Variants in HAVCR2 observed in about 807,000 individuals in gnomAD.
HAVCR2 encodes hepatitis A virus cellular receptor 2.
A neutral mutation model predicts 24.7 loss-of-function variants in HAVCR2; 13 were observed. The observed-to-expected ratio is 0.53, with a 90% CI of 0.34 to 0.84. The LOEUF (loss-of-function observed/expected upper bound fraction) is 0.84, where lower values mean the gene tolerates loss of function less well. Ranked by LOEUF, HAVCR2 falls within the 40% of genes least tolerant of loss-of-function variation. The pLI is 0.01. For missense variants in HAVCR2, 343 were observed against 371.2 expected, an observed-to-expected ratio of 0.92 and a Z score of 0.62; for synonymous variants, 154 against 143.4, an observed-to-expected ratio of 1.07 and a Z score of -0.53.
In HAVCR2 at chr5:157,087,012, G is replaced by T; in HGVS notation, c.*90C>A. 1 of 1,149,798 alleles carries T rather than the reference G, an allele frequency of 8.7e-7. No individual in the cohort carries two copies. Among genetic ancestry groups the T allele is most frequent in the Non-Finnish European group, 1.3e-6 (1 of 786,540 alleles). The allele number at this position is 1,149,798 out of a possible 1,614,324, so 71.2% of individuals were successfully genotyped here. The stretch of plus-strand genomic sequence containing the variant: ...AATGGGAAAACTCTGCTCCATAGCA[G>T]TGGACAGAACCTCCAAAACCAGTCA... On this transcript the variant is annotated 3_prime_UTR_variant, in exon 7 of 7. Transcript: ENST00000307851.
At chr5:157,102,101 T>C (rs527477613) in intron 3 of HAVCR2, among the ~76,000 whole-genome samples, 2 of 152,088 alleles carry the variant, frequency 1.3e-5, no homozygotes, top group South Asian at 4.2e-4. Context: ...CATGACCAGC[T>C]AATTTTTGTA....
At chr5:157,096,961 CACAT>C (rs148073070) in intron 4 of HAVCR2, among the ~76,000 whole-genome samples, 2,420 of 140,898 alleles carry the variant, frequency 0.017, 71 homozygotes, top group African/African-American at 0.067. Flanking sequence ...CACACACACA[CACAT>C]ATAATTATAA....
chr5:157,108,494 AAAAAGAAAAAGAAAG>A (rs1171617890), intron 1 of HAVCR2, among the ~76,000 whole-genome samples: 3 of 152,132 alleles, frequency 2.0e-5, no homozygotes, highest in South Asian at 2.1e-4. Context: ...CTCAATTGAA[AAAAAGAAAAAGAAAG>A]AAAAGAAAAA....
chr5:157,095,803 T>C (rs1757088099), intron 4 of HAVCR2, among the ~76,000 whole-genome samples: 1 of 151,656 alleles, frequency 6.6e-6, no homozygotes, highest in Non-Finnish European at 1.5e-5. Context: ...TGGTTCAAGA[T>C]CCCCTAAGAT....
chr5:157,089,775 T>C (rs963176767), intron 5 of HAVCR2, among the ~76,000 whole-genome samples: 3 of 152,086 alleles, frequency 2.0e-5, no homozygotes, highest in Admixed American at 2.0e-4. Context: ...GCTGAGTACC[T>C]GAAACTGAAA....
intron 5 of HAVCR2, among the ~76,000 whole-genome samples, chr5:157,090,468 G>A (rs148821720): frequency 6.6e-6 from 1 of 152,034 alleles, no homozygotes; most frequent in African/African-American, 2.4e-5. Context: ...GCTGGCACAT[G>A]CCCGTGGTCC....
chr5:157,104,838 G>A (rs943905502), intron 2 of HAVCR2, 89 bp from the exon 3 acceptor site: 9 of 903,556 alleles, frequency 1.0e-5, no homozygotes, highest in Admixed American at 2.2e-5. Context: ...AAAAAAATGC[G>A]AAAGACAATT....
chr5:157,107,082 G>C lies in HAVCR2; in HGVS notation c.59-120C>G, dbSNP rs1464632562. ...GAAGCTACTGCTGCAGTCCTGTTTGGAGGATGATTCGCTGTGACAATGCTT... is the reference window on the plus strand; with the variant it reads ...GAAGCTACTGCTGCAGTCCTGTTTGCAGGATGATTCGCTGTGACAATGCTT... On this transcript the variant is annotated intron_variant, in intron 1 of 6. Coordinates refer to ENST00000307851, the MANE Select transcript of HAVCR2 (RefSeq NM_032782.5). 5.1e-6 allele frequency: 4 copies of C among 783,598 alleles called. No homozygotes were observed. The Admixed American group carries it at 8.2e-5, about 16-fold the overall frequency. 48.5% of individuals were successfully genotyped at this position (783,598 alleles called of 1,614,324 possible). A position where few individuals can be genotyped will look rare whatever the true frequency, so the allele number is the denominator to read the frequency against.
intron 3 of HAVCR2, among the ~76,000 whole-genome samples, chr5:157,103,465 C>T (rs1156677812): frequency 6.6e-6 from 1 of 151,754 alleles, no homozygotes; most frequent in Non-Finnish European, 1.5e-5. Flanking sequence ...TTGTAAGATT[C>T]TTTAAAATAT....
chr5:157,102,934 C>A (rs79785590), intron 3 of HAVCR2, among the ~76,000 whole-genome samples: 866 of 119,202 alleles, frequency 7.3e-3, no homozygotes, highest in Middle Eastern at 0.029. Flanking sequence ...GACTCCGTCT[C>A]AAAAAAAAAA....
chr5:157,095,571 A>G, intron 4 of HAVCR2, 112 bp from the exon 5 acceptor site: 2 of 1,162,694 alleles, frequency 1.7e-6, no homozygotes, highest in East Asian at 2.5e-5. Flanking sequence ...AGGATGGCTG[A>G]GTCCTTCAAA....
At chr5:157,104,809 G>A in intron 2 of HAVCR2, 60 bp from the exon 3 acceptor site, 1 of 1,195,518 alleles carries the variant, frequency 8.4e-7, no homozygotes, top group Non-Finnish European at 1.2e-6. Flanking sequence ...TTATTTCAGG[G>A]AATCAAAGGG....
rs149887583 is a variant in HAVCR2, at chr5:157,106,375, C to T, written c.394+252G>A. The T allele has an allele frequency of 8.6e-3, 3,964 of 462,954 alleles. 27 individuals are homozygous for T. Among genetic ancestry groups the T allele is most frequent in the Non-Finnish European group, 0.012 (3,045 of 255,964 alleles). 28.7% of individuals were successfully genotyped at this position (462,954 alleles called of 1,614,324 possible). A position where few individuals can be genotyped will look rare whatever the true frequency, so the allele number is the denominator to read the frequency against. On this transcript the variant is annotated intron_variant, in intron 2 of 6. Transcript: ENST00000307851. ...TCGAATTCCTGACCTCATGATCCAC[C>T]GGCCTCAGCCTCCCAAAGTGCTGGG...
intron 4 of HAVCR2, among the ~76,000 whole-genome samples, chr5:157,096,753 G>A (rs1322295223): frequency 6.6e-6 from 1 of 151,852 alleles, no homozygotes; most frequent in Non-Finnish European, 1.5e-5. Context: ...CTCCAGCCTG[G>A]GCGACAAGAG....
chr5:157,098,145 G>A (rs1241710586), intron 4 of HAVCR2, among the ~76,000 whole-genome samples: 7 of 152,018 alleles, frequency 4.6e-5, no homozygotes, highest in African/African-American at 4.8e-5. Context: ...CATGGCTCAC[G>A]CCTGCAATCT....
Position 157,087,251 on chromosome 5 carries a change from C to T in HAVCR2, c.757G>A (p.Ala253Thr). The change falls in exon 7 of 7, where the codon GCA becomes ACA. Residue 253 changes from alanine (A) to threonine (T), a missense_variant. By Grantham distance (58) the Ala-to-Thr change is moderately conservative. Transcript: ENST00000307851. ...TCTGAGCGAATTCCCTCTGCTACTG[C>T]ATTTGCCAATCCTGAGGGAGGGAGG... ...ANLPPSGLAN[A>T]VAEGIRSEEN... 1.2e-6 allele frequency: 2 copies of T among 1,613,016 alleles called. No homozygotes were observed. Among genetic ancestry groups the T allele is most frequent in the African/African-American group, 1.3e-5 (1 of 75,006 alleles).
chr5:157,099,711 T>G (rs1488980226), intron 3 of HAVCR2, among the ~76,000 whole-genome samples: 2 of 152,092 alleles, frequency 1.3e-5, no homozygotes, highest in African/African-American at 4.8e-5. Context: ...TTTTTCTTTT[T>G]GCGAGACAGA....
At chr5:157,106,493 T>A in intron 2 of HAVCR2, 134 bp downstream of exon 2, 1 of 676,972 alleles carries the variant, frequency 1.5e-6, no homozygotes, top group South Asian at 1.8e-5. Flanking sequence ...CAATGGGGCC[T>A]GTTAAACTTT....
chr5:157,096,491 T>C (rs1757095423), intron 4 of HAVCR2, among the ~76,000 whole-genome samples: 1 of 151,940 alleles, frequency 6.6e-6, no homozygotes, highest in African/African-American at 2.4e-5. Context: ...TTAAAAACAA[T>C]GATTAGGCCA....
Sources: allele counts gnomAD v4.1 joint callset (sites outside exome capture counted in the v4.1 genomes callset), GRCh38; gene constraint gnomAD v4.1.1; transcripts MANE v1.5; gene names NCBI Gene and HGNC (gene_info 2026-07-23, HGNC 2026-07-21).